GRIP2: variants seen among roughly 807,000 people sequenced by gnomAD.
The protein encoded by GRIP2 is glutamate receptor interacting protein 2, also known as glutamate receptor-interacting protein 2.
In GRIP2, 58 loss-of-function variants were observed where a neutral mutation model predicts 108.3. The observed-to-expected ratio is 0.54, with a 90% CI of 0.43 to 0.67. The LOEUF is 0.67. Ranked by LOEUF, GRIP2 falls within the 30% of genes least tolerant of loss-of-function variation. The pLI, the probability that GRIP2 is intolerant of heterozygous loss-of-function variation, is 0.00. For synonymous variants in GRIP2, 586 were observed against 598.2 expected, an observed-to-expected ratio of 0.98 and a Z score of 0.30; for missense variants, 1,278 against 1,430.6, an observed-to-expected ratio of 0.89 and a Z score of 1.72.
chr3:14,567,442 T>C, the GRIP2 span, among the ~76,000 whole-genome samples: 7 of 152,118 alleles, frequency 4.6e-5, no homozygotes, highest in African/African-American at 1.4e-4. Context: ...CCAGGAGTCA[T>C]GGCATCCCAG....
At chr3:14,588,717 T>C in the GRIP2 span, among the ~76,000 whole-genome samples, 62 of 152,214 alleles carry the variant, frequency 4.1e-4, no homozygotes, top group African/African-American at 1.4e-3. Context: ...GAAAGCTTCC[T>C]GGGAGAATTC....
chr3:14,505,822 G>C lies in GRIP2; in HGVS notation c.2399-33C>G, dbSNP rs1443703632. ...TGGAGAGAGGGCCTCTGTGTTCCCT[G>C]CGGCCTCACCTTGCCCTCCTGCCTG... On this transcript the variant is annotated intron_variant, in intron 19 of 23. Coordinates refer to ENST00000621039, the MANE Select transcript of GRIP2 (RefSeq NM_001080423.4). This position sits in a 1 kb window ranked among gnomAD's most constrained non-coding sequence, Gnocchi z 4.2. The C allele has an allele frequency of 4.7e-6, 7 of 1,478,774 alleles. No individual in the cohort carries two copies. Among genetic ancestry groups the C allele is most frequent in the Non-Finnish European group, 6.3e-6 (7 of 1,114,730 alleles). The allele number at this position is 1,478,774 out of a possible 1,614,324, so 91.6% of individuals were successfully genotyped here.
intron 1 of GRIP2, among the ~76,000 whole-genome samples, chr3:14,549,779 G>A (rs1695114752): frequency 6.6e-6 from 1 of 152,148 alleles, no homozygotes; most frequent in Non-Finnish European, 1.5e-5. Context: ...TTTTACAGAC[G>A]AGGAAACTGG....
rs1694449800 is a variant in GRIP2 at position 14,522,806 on chromosome 3, C to T, written c.566+194G>A. On this transcript the variant is annotated intron_variant, in intron 6 of 23. Coordinates refer to ENST00000621039, the MANE Select transcript of GRIP2 (RefSeq NM_001080423.4). The surrounding 1 kb of genome is among the most constrained non-coding windows in gnomAD (Gnocchi z 4.3). ...CAGCAGTATGTTGGGGAAGAAAGGG[C>T]TCGAGGTTTCCCTCATTTGGGGTTA... 3 of 583,930 alleles carry T rather than the reference C, an allele frequency of 5.1e-6. No homozygotes were observed. The highest frequency in any genetic ancestry group is 9.4e-6 in the Non-Finnish European group (3 of 320,652). 36.2% of individuals were successfully genotyped at this position (583,930 alleles called of 1,614,324 possible).
chr3:14,531,860 AG>A (rs1694718240), intron 1 of GRIP2, among the ~76,000 whole-genome samples: 1 of 152,182 alleles, frequency 6.6e-6, no homozygotes, highest in South Asian at 2.1e-4. Context: ...GGGCAAGAAC[AG>A]GTGCCAAAGT....
At chr3:14,554,048 G>A (rs1208144395) in intron 1 of GRIP2, among the ~76,000 whole-genome samples, 2 of 152,150 alleles carry the variant, frequency 1.3e-5, no homozygotes, top group Admixed American at 1.3e-4. Flanking sequence ...ATGGGGAGAG[G>A]AAGGAAGTGG....
chr3:14,547,997 C>A (rs1249903847), intron 1 of GRIP2, among the ~76,000 whole-genome samples: 1 of 152,184 alleles, frequency 6.6e-6, no homozygotes, highest in Non-Finnish European at 1.5e-5. Context: ...GGATCTGCCA[C>A]AAAACCACCC....
At chr3:14,558,059 G>T (rs1486400789), upstream of GRIP2, among the ~76,000 whole-genome samples, 1 of 152,210 alleles carries the variant, frequency 6.6e-6, no homozygotes. Context: ...GGGAGGCCCA[G>T]TGAGGTGAAG....
the GRIP2 span, among the ~76,000 whole-genome samples, chr3:14,563,570 C>G: frequency 6.6e-6 from 1 of 151,988 alleles, no homozygotes; most frequent in Non-Finnish European, 1.5e-5. Flanking sequence ...GGCTTTTCCT[C>G]TGAGGATGTG....
At chr3:14,536,490 A>G (rs1396037013) in intron 1 of GRIP2, among the ~76,000 whole-genome samples, 2 of 152,210 alleles carry the variant, frequency 1.3e-5, no homozygotes, top group African/African-American at 2.4e-5. Context: ...CCAGTATCCC[A>G]AGAATACCTA....
chr3:14,504,302 C>T (rs901350897), intron 20 of GRIP2, among the ~76,000 whole-genome samples: 4 of 149,766 alleles, frequency 2.7e-5, no homozygotes, highest in African/African-American at 9.9e-5. Flanking sequence ...TTACAAAGCA[C>T]TTGCTTGTTT....
At chr3:14,572,853 T>G in the GRIP2 span, 5 of 1,133,824 alleles carry the variant, frequency 4.4e-6, no homozygotes, top group African/African-American at 7.7e-5. Context: ...GCCAGCTCGG[T>G]GGAGCTGAGC....
At chr3:14,513,933 C>G (rs1226559716) in intron 12 of GRIP2, 123 bp from the exon 13 acceptor site, 16 of 1,174,932 alleles carry the variant, frequency 1.4e-5, no homozygotes, top group Non-Finnish European at 1.9e-5. Flanking sequence ...ACTCTCAGCT[C>G]TGCCCTGGCC....
chr3:14,565,753 T>C, the GRIP2 span, among the ~76,000 whole-genome samples: 2,210 of 152,318 alleles, frequency 0.015, 21 homozygotes, highest in Middle Eastern at 0.034. Flanking sequence ...AGCATCGCCC[T>C]TCACGCGGGC....
chr3:14,526,777 T>C (rs1331465165), intron 1 of GRIP2, among the ~76,000 whole-genome samples: 3 of 152,202 alleles, frequency 2.0e-5, no homozygotes, highest in Non-Finnish European at 4.4e-5. Flanking sequence ...TTTTGCTTCT[T>C]TTGAGTTAGT....
chr3:14,517,499 T>C (rs940555648), intron 10 of GRIP2, among the ~76,000 whole-genome samples: 4,883 of 46,142 alleles, frequency 0.11, 193 homozygotes, highest in East Asian at 0.37. Context: ...TCTCTCTTTT[T>C]TTTTTTTTTT....
intron 1 of GRIP2, among the ~76,000 whole-genome samples, chr3:14,552,025 A>G (rs1399753239): frequency 6.6e-6 from 1 of 152,202 alleles, no homozygotes; most frequent in Admixed American, 6.5e-5. Flanking sequence ...GGATTCTGCA[A>G]TTCTAGGACG....
the GRIP2 span, among the ~76,000 whole-genome samples, chr3:14,564,733 C>CAA: frequency 6.6e-6 from 1 of 152,204 alleles, no homozygotes; most frequent in Non-Finnish European, 1.5e-5. Flanking sequence ...CACTCTGTGA[C>CAA]AAAGGCAGAC....
upstream of GRIP2, among the ~76,000 whole-genome samples, chr3:14,543,752 G>A (rs1695015357): frequency 6.6e-6 from 1 of 152,242 alleles, no homozygotes; most frequent in Admixed American, 6.5e-5. Context: ...GGGCTGAGCA[G>A]CCCAGGGGAG....
Sources: allele counts gnomAD v4.1 joint callset (sites outside exome capture counted in the v4.1 genomes callset), GRCh38; gene constraint gnomAD v4.1.1; non-coding constraint Gnocchi (gnomAD v3.1); transcripts MANE v1.5; gene names NCBI Gene and HGNC (gene_info 2026-07-23, HGNC 2026-07-21).